STPG2: variants seen among roughly 807,000 people sequenced by gnomAD.
The protein encoded by STPG2 is sperm tail PG-rich repeat containing 2.
Under a neutral mutation model 54.2 loss-of-function variants are expected in STPG2, and 56 were observed. The observed-to-expected ratio is 1.03, with a 90% CI of 0.83 to 1.29. STPG2 has a LOEUF of 1.29. Ranked by LOEUF, STPG2 falls within the 50% of genes most tolerant of loss-of-function variation. STPG2 has a pLI of 0.00. For synonymous variants in STPG2, 200 were observed against 181.8 expected (o/e 1.10, Z -0.81); for missense variants, 596 against 544.9 (o/e 1.09, Z -0.93).
At chr4:97,584,394 A>G (rs1732939029) in intron 10 of STPG2, among the ~76,000 whole-genome samples, 2 of 152,010 alleles carry the variant, frequency 1.3e-5, no homozygotes, top group Admixed American at 1.3e-4. Context: ...TGTAAAGAGG[A>G]AAGTTCATAG....
chr4:97,594,253 C>T (rs1039485606), intron 10 of STPG2, among the ~76,000 whole-genome samples: 1 of 152,038 alleles, frequency 6.6e-6, no homozygotes, highest in Non-Finnish European at 1.5e-5. Context: ...CTAAGGAATA[C>T]AATAAAATGA....
chr4:97,849,982 T>C (rs1729098454), intron 8 of STPG2, among the ~76,000 whole-genome samples: 1 of 151,940 alleles, frequency 6.6e-6, no homozygotes, highest in Non-Finnish European at 1.5e-5. Flanking sequence ...GTATGTTTAT[T>C]GCGGCATTAT....
intron 10 of STPG2, among the ~76,000 whole-genome samples, chr4:97,565,750 T>G (rs1732412866): frequency 1.3e-5 from 2 of 152,114 alleles, no homozygotes; most frequent in Admixed American, 6.6e-5. Flanking sequence ...GAACAGCGGA[T>G]TTTCGTGAAC....
Position 97,704,031 on chromosome 4 carries a change from G to T in STPG2, c.1320+8668C>A, listed in dbSNP as rs1267208497. Among the ~76,000 whole-genome samples, 3 of 151,864 alleles carry T rather than the reference G, an allele frequency of 2.0e-5. 1 individual carries two copies. The highest frequency in any genetic ancestry group is 4.1e-4 in the South Asian group (2 of 4,826). On this transcript the variant is annotated intron_variant, in intron 10 of 10. Coordinates refer to ENST00000295268, the MANE Select transcript of STPG2 (RefSeq NM_174952.3). The stretch of plus-strand genomic sequence containing the variant: ...TGGTCTTATCCTTTCACATTTTTCT[G>T]CCTGCTTTATATTCTAGCTGTGCTG...
intron 8 of STPG2, among the ~76,000 whole-genome samples, chr4:97,935,844 T>A (rs1279550920): frequency 6.6e-6 from 1 of 152,174 alleles, no homozygotes; most frequent in Non-Finnish European, 1.5e-5. Context: ...CTGAGAAGAA[T>A]GTCTATTCTG....
At chr4:98,010,976 T>G (rs1307864674) in intron 5 of STPG2, among the ~76,000 whole-genome samples, 1 of 152,196 alleles carries the variant, frequency 6.6e-6, no homozygotes, top group African/African-American at 2.4e-5. Flanking sequence ...TTATTTGACT[T>G]TAAGTTCTGG....
intron 8 of STPG2, among the ~76,000 whole-genome samples, chr4:97,894,895 A>G (rs1730902089): frequency 6.6e-6 from 1 of 151,916 alleles, no homozygotes. Context: ...TTCAAGTGAC[A>G]GTGCAAAGAA....
intron 9 of STPG2, among the ~76,000 whole-genome samples, chr4:97,757,199 A>G (rs1227991561): frequency 6.6e-6 from 1 of 152,204 alleles, no homozygotes; most frequent in African/African-American, 2.4e-5. Context: ...CCTCTTATTT[A>G]CAATTCAAGT....
chr4:97,862,593 G>C (rs1417333451), intron 8 of STPG2, among the ~76,000 whole-genome samples: 1 of 152,078 alleles, frequency 6.6e-6, no homozygotes, highest in Non-Finnish European at 1.5e-5. Context: ...GCACCAAGCA[G>C]ACCTAATAGA....
At chr4:98,130,438 C>T (rs1468964980) in intron 2 of STPG2, among the ~76,000 whole-genome samples, 1 of 152,144 alleles carries the variant, frequency 6.6e-6, no homozygotes, top group Non-Finnish European at 1.5e-5. Flanking sequence ...CTTCCCTGGC[C>T]TCCCAAAGTG....
chr4:98,028,586 C>T (rs1736500010), intron 5 of STPG2, among the ~76,000 whole-genome samples: 1 of 152,064 alleles, frequency 6.6e-6, no homozygotes, highest in Non-Finnish European at 1.5e-5. Flanking sequence ...GGATAATTTT[C>T]TTTTTAGAGA....
At chr4:97,856,954 T>C (rs191492722) in intron 8 of STPG2, among the ~76,000 whole-genome samples, 3 of 152,294 alleles carry the variant, frequency 2.0e-5, no homozygotes, top group Non-Finnish European at 4.4e-5. Flanking sequence ...ATGTGATGAA[T>C]CACATTTATT....
At chr4:98,097,973 G>A (rs977670844) in intron 5 of STPG2, among the ~76,000 whole-genome samples, 1 of 152,044 alleles carries the variant, frequency 6.6e-6, no homozygotes, top group African/African-American at 2.4e-5. Context: ...AATTGAAGCA[G>A]ACACCAAAAG....
chr4:97,665,118 G>A lies in STPG2; in HGVS notation c.1320+47581C>T, dbSNP rs565801246. Among the ~76,000 whole-genome samples the A allele has an allele frequency of 3.3e-5, 5 of 152,284 alleles. No individual in the cohort carries two copies. The East Asian group carries it at 9.7e-4, about 30-fold the overall frequency. On this transcript the variant is annotated intron_variant, in intron 10 of 10. Coordinates refer to ENST00000295268, the MANE Select transcript of STPG2 (RefSeq NM_174952.3). ...GCCAGGAACTGCAGAGCCCCAAAGA[G>A]GGTGTCACAGTGCTGGCTTGGGAAG...
intron 9 of STPG2, among the ~76,000 whole-genome samples, chr4:97,821,666 C>T (rs1381898291): frequency 2.0e-5 from 3 of 152,180 alleles, no homozygotes; most frequent in Non-Finnish European, 2.9e-5. Context: ...AAGCACAGGC[C>T]GCCAAGCCTC....
At chr4:97,688,936 TA>T (rs1480066268) in intron 10 of STPG2, among the ~76,000 whole-genome samples, 1 of 152,174 alleles carries the variant, frequency 6.6e-6, no homozygotes, top group East Asian at 1.9e-4. Flanking sequence ...TTTTAGAAAT[TA>T]ATTTAAAAAT....
At chr4:97,919,302 CA>C (rs1246841819) in intron 8 of STPG2, among the ~76,000 whole-genome samples, 1 of 149,398 alleles carries the variant, frequency 6.7e-6, no homozygotes, top group Non-Finnish European at 1.5e-5. Flanking sequence ...AGAAAAAAAA[CA>C]AATGAAAATC....
chr4:97,561,371 C>T (rs911794399), intron 10 of STPG2, among the ~76,000 whole-genome samples: 38 of 152,076 alleles, frequency 2.5e-4, no homozygotes, highest in Admixed American at 4.6e-4. Context: ...AAGTAGTTTG[C>T]GAAAATTTTC....
chr4:97,907,377 C>A (rs1335274617), intron 8 of STPG2, among the ~76,000 whole-genome samples: 1 of 152,166 alleles, frequency 6.6e-6, no homozygotes, highest in Non-Finnish European at 1.5e-5. Flanking sequence ...AAGATACAAA[C>A]AAATGGAAGA....
Sources: gnomAD v4.1 joint callset for allele counts (sites outside exome capture counted in the v4.1 genomes callset) on GRCh38, gnomAD v4.1.1 for gene constraint, MANE v1.5 for transcripts, NCBI Gene and HGNC (gene_info 2026-07-23, HGNC 2026-07-21) for gene names.